USH2A: variants seen among roughly 807,000 people sequenced by gnomAD.
USH2A encodes Usher syndrome 2A (autosomal recessive, mild).
USH2A carries 443 observed loss-of-function variants against 538.9 expected under a neutral mutation model. The ratio of observed to expected loss-of-function variants is 0.82; its 90% CI spans 0.76 to 0.89. USH2A has a LOEUF of 0.89. USH2A is among the 40% of genes least tolerant of loss of function. USH2A has a pLI of 0.00. For missense variants in USH2A, 6,633 were observed against 6,324.8 expected (o/e 1.05, Z -1.65); for synonymous variants, 2,413 against 2,273.5 (o/e 1.06, Z -1.75).
rs1028011164 is a variant in USH2A, at chr1:216,203,445, T to C, written c.3317-3324A>G. Among the ~76,000 whole-genome samples, 3 of 152,086 alleles carry C rather than the reference T, an allele frequency of 2.0e-5. No individual in the cohort carries two copies. In the East Asian group the frequency reaches 5.8e-4, roughly 29 times the overall value. On this transcript the variant is annotated intron_variant, in intron 16 of 71. Coordinates refer to ENST00000307340, the MANE Select transcript of USH2A (RefSeq NM_206933.4). ...TGGTCTTTCTCTCTCTCTCAAAACA[T>C]CTTATTGTACTGTAGACTCACCTAT...
At chr1:215,720,861 T>C (rs1415372623) in intron 61 of USH2A, among the ~76,000 whole-genome samples, 1 of 152,188 alleles carries the variant, frequency 6.6e-6, no homozygotes, top group Non-Finnish European at 1.5e-5. Context: ...ATGAGGCATC[T>C]GCCCCCTCAA....
Position 215,996,560 on chromosome 1 carries a change from G to GTTTTTTTTTTTTTTT in USH2A, c.6657+2312_6657+2326dup, listed in dbSNP as rs753233925. On this transcript the variant is annotated intron_variant, in intron 34 of 71. Transcript: ENST00000307340. ...TTTGTTGAGAGTAGCAACATATTAT[G>GTTTTTTTTTTTTTTT]TTTTTTTTTTTTTTTTTTTTTTTTT... Among the ~76,000 whole-genome samples the GTTTTTTTTTTTTTTT allele has an allele frequency of 1.9e-4, 10 of 51,718 alleles. 3 individuals are homozygous for GTTTTTTTTTTTTTTT. Among genetic ancestry groups the GTTTTTTTTTTTTTTT allele is most frequent in the African/African-American group, 4.6e-4 (5 of 10,788 alleles). The allele number at this position is 51,718 out of a possible 152,430, so 33.9% of individuals were successfully genotyped here.
At chr1:216,261,278 C>G (rs2036366100) in intron 11 of USH2A, among the ~76,000 whole-genome samples, 1 of 151,054 alleles carries the variant, frequency 6.6e-6, no homozygotes, top group Admixed American at 6.6e-5. Flanking sequence ...CAAAAAAAAG[C>G]CTAAAAGAAT....
intron 3 of USH2A, among the ~76,000 whole-genome samples, chr1:216,375,943 G>A (rs2038810184): frequency 6.6e-6 from 1 of 152,112 alleles, no homozygotes; most frequent in Admixed American, 6.6e-5. Flanking sequence ...CATTCTGTCG[G>A]TGGAGAAGTC....
chr1:215,742,556 T>C (rs1322087614), intron 59 of USH2A, among the ~76,000 whole-genome samples: 2 of 152,146 alleles, frequency 1.3e-5, no homozygotes, highest in African/African-American at 2.4e-5. Flanking sequence ...ATAGCTCTCT[T>C]GATTCCCTGT....
At chr1:216,414,230 T>C (rs954345357) in intron 3 of USH2A, among the ~76,000 whole-genome samples, 5 of 152,052 alleles carry the variant, frequency 3.3e-5, no homozygotes, top group Non-Finnish European at 7.4e-5. Flanking sequence ...GAATTTTAGC[T>C]TGATATAATT....
chr1:215,626,497 C>T (rs1040364582), intron 71 of USH2A, among the ~76,000 whole-genome samples: 5 of 151,934 alleles, frequency 3.3e-5, no homozygotes, highest in Non-Finnish European at 7.4e-5. Context: ...TGCTCCATTT[C>T]TTCCCACTCT....
At chr1:216,297,878 G>T (rs996835376) in intron 9 of USH2A, among the ~76,000 whole-genome samples, 1 of 152,102 alleles carries the variant, frequency 6.6e-6, no homozygotes, top group African/African-American at 2.4e-5. Context: ...GTGTGGGGAC[G>T]ATATGTTCTA....
At chr1:216,131,912 C>T (rs1333782676) in intron 21 of USH2A, among the ~76,000 whole-genome samples, 1 of 151,938 alleles carries the variant, frequency 6.6e-6, no homozygotes, top group Non-Finnish European at 1.5e-5. Flanking sequence ...TTTAATCCTC[C>T]TAATAATAGT....
chr1:216,046,521 T>C lies in USH2A; in HGVS notation c.6235A>G (p.Lys2079Glu). 6.2e-7 allele frequency: 1 copy of C among 1,613,886 alleles called. No individual in the cohort carries two copies. Among genetic ancestry groups the C allele is most frequent in the Non-Finnish European group, 8.5e-7 (1 of 1,179,810 alleles). Residue 2079 changes from lysine (K) to glutamate (E), a missense_variant, in exon 32 of 72, where the codon AAA becomes GAA. Lys to Glu is a moderately conservative substitution (Grantham distance 56). Coordinates refer to ENST00000307340, the MANE Select transcript of USH2A (RefSeq NM_206933.4). ...TGAGTTATAATACCATTTGCCTTTT[T>C]GGGTGGGTTCCAGGAGAGCAGCAAA... ...SSLLLSWNPP[K>E]KANGIITQYC...
At chr1:216,106,728 T>C (rs773830880) in intron 21 of USH2A, among the ~76,000 whole-genome samples, 1 of 151,848 alleles carries the variant, frequency 6.6e-6, no homozygotes, top group African/African-American at 2.4e-5. Context: ...CTTTTTTGCC[T>C]GTTTTAAGAA....
intron 9 of USH2A, among the ~76,000 whole-genome samples, chr1:216,307,531 C>T (rs1282079248): frequency 6.6e-6 from 1 of 152,190 alleles, no homozygotes; most frequent in South Asian, 2.1e-4. Flanking sequence ...GGTTTCACAC[C>T]TCCCTGCCTG....
At chr1:215,695,003 G>A (rs1228996220) in intron 61 of USH2A, among the ~76,000 whole-genome samples, 1 of 152,188 alleles carries the variant, frequency 6.6e-6, no homozygotes. Context: ...CCTAGGCAAT[G>A]TAAGATAAGG....
intron 46 of USH2A, among the ~76,000 whole-genome samples, chr1:215,842,190 G>A (rs1441149885): frequency 1.3e-5 from 2 of 152,074 alleles, no homozygotes; most frequent in Non-Finnish European, 2.9e-5. Flanking sequence ...ATAACCTGGT[G>A]TGGTGGTGGG....
In USH2A at chr1:215,694,387, C is replaced by A. The variant is rs144108541; in HGVS notation, c.12067-14011G>T. On this transcript the variant is annotated intron_variant, in intron 61 of 71. Transcript: ENST00000307340. ...AGGAGATCAAGACCATCCCGGCTAA[C>A]ACTGTGAAACCCCGTTTCTACTAAA... is the stretch of plus-strand genomic sequence containing the variant. Among the ~76,000 whole-genome samples, 1,168 of 152,282 alleles carry A rather than the reference C, an allele frequency of 7.7e-3. 15 individuals are homozygous for A. Among genetic ancestry groups the A allele is most frequent in the African/African-American group, 0.024 (986 of 41,558 alleles).
intron 3 of USH2A, among the ~76,000 whole-genome samples, chr1:216,396,921 A>T (rs2039223215): frequency 6.6e-6 from 1 of 152,232 alleles, no homozygotes; most frequent in South Asian, 2.1e-4. Flanking sequence ...AAGCACTAGC[A>T]ATTTCTCTTC....
intron 34 of USH2A, among the ~76,000 whole-genome samples, chr1:215,996,416 A>C (rs1668138626): frequency 6.6e-6 from 1 of 152,192 alleles, no homozygotes; most frequent in Non-Finnish European, 1.5e-5. Flanking sequence ...AGTGGTATGA[A>C]AATTATCAAG....
intron 38 of USH2A, among the ~76,000 whole-genome samples, chr1:215,924,395 T>C (rs908983480): frequency 6.6e-6 from 1 of 152,146 alleles, no homozygotes; most frequent in African/African-American, 2.4e-5. Context: ...ATCTAAGACA[T>C]ATTAAGAATT....
chr1:215,662,094 G>C (rs904324723), intron 64 of USH2A, among the ~76,000 whole-genome samples: 3 of 152,096 alleles, frequency 2.0e-5, no homozygotes, highest in African/African-American at 7.2e-5. Context: ...TGCTTAATAA[G>C]GACAGTTTAT....
Sources: allele counts gnomAD v4.1 joint callset (sites outside exome capture counted in the v4.1 genomes callset), GRCh38; gene constraint gnomAD v4.1.1; transcripts MANE v1.5; gene names NCBI Gene and HGNC (gene_info 2026-07-23, HGNC 2026-07-21).